PDS5B: variants seen among roughly 807,000 people sequenced by gnomAD.
PDS5B encodes the protein sister chromatid cohesion protein PDS5 homolog B.
Under a neutral mutation model 184.1 loss-of-function variants are expected in PDS5B, and 51 were observed. The observed-to-expected ratio is 0.28, with a 90% CI of 0.22 to 0.35. The LOEUF (loss-of-function observed/expected upper bound fraction) is 0.35, where lower values mean the gene tolerates loss of function less well. Ranked by LOEUF, PDS5B falls within the 10% of genes least tolerant of loss-of-function variation. The pLI is 1.00. For missense variants in PDS5B, 1,180 were observed against 1,723.3 expected (o/e 0.68, Z 5.58); for synonymous variants, 566 against 569.2 (o/e 0.99, Z 0.08).
intron 3 of PDS5B, 27 bp from the exon 4 acceptor site, chr13:32,658,212 A>G (rs1950565536): frequency 9.6e-7 from 1 of 1,046,362 alleles, no homozygotes; most frequent in Non-Finnish European, 1.5e-6. Context: ...CATAATCTAA[A>G]TGGCACTTTG....
intron 24 of PDS5B, among the ~76,000 whole-genome samples, chr13:32,750,751 A>C (rs374804580): frequency 1.3e-5 from 2 of 152,112 alleles, no homozygotes; most frequent in African/African-American, 4.8e-5. Context: ...CATGTTGGCC[A>C]GGCTGGTCTC....
chr13:32,686,516 G>T (rs1240157899), intron 11 of PDS5B, among the ~76,000 whole-genome samples: 2 of 152,170 alleles, frequency 1.3e-5, no homozygotes, highest in African/African-American at 4.8e-5. Flanking sequence ...GGCTGCAGTG[G>T]CTCACGCCTG....
At position 32,764,603 on chromosome 13, in the gene PDS5B, T is replaced by C; in HGVS notation, c.3624+9T>C. 4 of 1,429,274 alleles carry C rather than the reference T, an allele frequency of 2.8e-6. No homozygotes were observed. Among genetic ancestry groups the C allele is most frequent in the African/African-American group, 1.4e-5 (1 of 69,788 alleles). 88.5% of individuals were successfully genotyped at this position (1,429,274 alleles called of 1,614,324 possible). On this transcript the variant is annotated intron_variant, in intron 31 of 34. Transcript: ENST00000315596. ...ACTCTGATCTTGTAAGGGTGAGATA[T>C]TTGCATTGATTTTATAATAATATTA...
At chr13:32,658,144 T>G (rs563660933) in intron 3 of PDS5B, 95 bp from the exon 4 acceptor site, 4 of 624,098 alleles carry the variant, frequency 6.4e-6, no homozygotes, top group Non-Finnish European at 1.1e-5. Flanking sequence ...TATTATGATA[T>G]GTACACATGA....
rs148423832 is a variant in PDS5B at position 32,655,254 on chromosome 13, G to A, written c.313-2985G>A. Among the ~76,000 whole-genome samples, 673 of 147,810 alleles carry A rather than the reference G, an allele frequency of 4.6e-3. 3 individuals are homozygous for A. Among genetic ancestry groups the A allele is most frequent in the South Asian group, 0.015 (68 of 4,616 alleles). On this transcript the variant is annotated intron_variant, in intron 3 of 34. Transcript: ENST00000315596. ...CTGGTACGAGATGATATCTTGTTGTGGTTTTGATTTGCATTTCTCTAATCA... is the reference window on the plus strand; with the variant it reads ...CTGGTACGAGATGATATCTTGTTGTAGTTTTGATTTGCATTTCTCTAATCA...
intron 19 of PDS5B, among the ~76,000 whole-genome samples, chr13:32,715,346 T>C (rs1252113189): frequency 2.6e-5 from 4 of 152,244 alleles, no homozygotes; most frequent in African/African-American, 9.6e-5. Flanking sequence ...GAGGTTACCC[T>C]GTCTACATAG....
chr13:32,594,384 T>A (rs2057824497), intron 1 of PDS5B, among the ~76,000 whole-genome samples: 1 of 152,214 alleles, frequency 6.6e-6, no homozygotes, highest in South Asian at 2.1e-4. Context: ...TGCACAGTGC[T>A]GGCTAGAGAT....
At chr13:32,637,311 G>A (rs2140604175) in intron 1 of PDS5B, among the ~76,000 whole-genome samples, 1 of 137,586 alleles carries the variant, frequency 7.3e-6, no homozygotes, top group Admixed American at 7.4e-5. Context: ...TGTAAATATT[G>A]AAAGGGAATT....
intron 30 of PDS5B, 68 bp from the exon 31 acceptor site, chr13:32,764,421 A>C: frequency 2.1e-6 from 2 of 939,238 alleles, no homozygotes; most frequent in Non-Finnish European, 3.0e-6. Context: ...GTAAAGCTAC[A>C]CTAGGAACAG....
At chr13:32,597,880 A>G (rs934612091) in intron 1 of PDS5B, among the ~76,000 whole-genome samples, 1 of 152,028 alleles carries the variant, frequency 6.6e-6, no homozygotes, top group South Asian at 2.1e-4. Context: ...CAGTGTTAAC[A>G]TAAAATATGT....
In PDS5B at chr13:32,760,667, A is replaced by AAGT. The variant is rs1160673346; in HGVS notation, c.3467_3468insTAG (p.Ser1156dup). The stretch of plus-strand genomic sequence containing the variant: ...CCAAATCATCACGAATGGAAACTGT[A>AAGT]AGCAATGCAAGCAGCAGCTCAAATC... On this transcript the variant is annotated inframe_insertion, in exon 30 of 35. Transcript: ENST00000315596. 1 of 1,614,074 alleles carries AAGT rather than the reference A, an allele frequency of 6.2e-7. No individual in the cohort carries two copies.
At chr13:32,634,133 C>T (rs116366176) in intron 1 of PDS5B, among the ~76,000 whole-genome samples, 311 of 152,268 alleles carry the variant, frequency 2.0e-3, no homozygotes, top group African/African-American at 7.3e-3. Flanking sequence ...TGCAGTCTTC[C>T]TGTGTTCTAG....
rs371933463 is a variant in PDS5B at position 32,741,050 on chromosome 13, G to GTTT, written c.2407-30_2407-29insTTT. On this transcript the variant is annotated intron_variant, in intron 21 of 34. Coordinates refer to ENST00000315596, the MANE Select transcript of PDS5B (RefSeq NM_015032.4). ...TTCATATTTACATTTTAAAGTCCCTGGTTTTTTTTTTTTTCTCGTTTATTT... is the reference window on the plus strand; with the variant it reads ...TTCATATTTACATTTTAAAGTCCCTGTTTGTTTTTTTTTTTTTCTCGTTTATTT... The GTTT allele has an allele frequency of 1.2e-3, 1,269 of 1,035,090 alleles. 17 individuals are homozygous for GTTT. The highest frequency in any genetic ancestry group is 1.3e-3 in the Non-Finnish European group (956 of 712,178). The allele number at this position is 1,035,090 out of a possible 1,614,324, so 64.1% of individuals were successfully genotyped here.
At chr13:32,752,098 A>G (rs1954005536) in intron 24 of PDS5B, among the ~76,000 whole-genome samples, 1 of 152,160 alleles carries the variant, frequency 6.6e-6, no homozygotes, top group Non-Finnish European at 1.5e-5. Flanking sequence ...TTTGTAGGTC[A>G]TATAGAAAAG....
intron 1 of PDS5B, among the ~76,000 whole-genome samples, chr13:32,638,501 C>A (rs1028865915): frequency 6.6e-6 from 1 of 152,076 alleles, no homozygotes; most frequent in South Asian, 2.1e-4. Flanking sequence ...ATAGATTACT[C>A]TTTGAGAAGC....
chr13:32,672,152 A>C (rs1240701631), intron 7 of PDS5B, among the ~76,000 whole-genome samples: 1 of 151,886 alleles, frequency 6.6e-6, no homozygotes, highest in Non-Finnish European at 1.5e-5. Flanking sequence ...TCAGAATGTA[A>C]AAGAAGACAA....
intron 10 of PDS5B, among the ~76,000 whole-genome samples, chr13:32,680,400 A>G (rs1034894511): frequency 5.3e-5 from 8 of 152,188 alleles, no homozygotes; most frequent in Admixed American, 6.5e-5. Context: ...CTTAGTTTAG[A>G]TACTTCCTCT....
chr13:32,718,154 AAT>A (rs1566367692), intron 19 of PDS5B, among the ~76,000 whole-genome samples: 1 of 150,100 alleles, frequency 6.7e-6, no homozygotes. Context: ...AGGGCTTCTG[AAT>A]TTTTTTTTTT....
intron 1 of PDS5B, 142 bp from the exon 2 acceptor site, chr13:32,648,612 A>G (rs1593331381): frequency 3.7e-6 from 2 of 538,694 alleles, no homozygotes; most frequent in East Asian, 6.2e-5. Context: ...CAATAGAGTG[A>G]TTTTCATTAA....
Sources: gnomAD v4.1 joint callset for allele counts (sites outside exome capture counted in the v4.1 genomes callset) on GRCh38, gnomAD v4.1.1 for gene constraint, MANE v1.5 for transcripts, NCBI Gene and HGNC (gene_info 2026-07-23, HGNC 2026-07-21) for gene names.